The following NRG3 variants were observed in gnomAD, a reference collection of about 807,000 sequenced individuals.
NRG3 encodes the protein pro-neuregulin-3, membrane-bound isoform.
A neutral mutation model predicts 66.9 loss-of-function variants in NRG3; 31 were observed. The observed-to-expected ratio is 0.46, with a 90% confidence interval of 0.35 to 0.63. The LOEUF (loss-of-function observed/expected upper bound fraction) is 0.63, where lower values mean the gene tolerates loss of function less well. Ranked by LOEUF, NRG3 falls within the 20% of genes least tolerant of loss-of-function variation. The probability of loss-of-function intolerance (pLI) is 0.00; values close to 1 mark genes in which losing one functional copy is unlikely to be tolerated. For synonymous variants in NRG3, 393 were observed against 359.4 expected (o/e 1.09, Z -1.06); for missense variants, 910 against 878.9 (o/e 1.04, Z -0.45).
chr10:81,878,622 G>A (rs1408752991), intron 1 of NRG3, among the ~76,000 whole-genome samples: 3 of 152,046 alleles, frequency 2.0e-5, no homozygotes, highest in Admixed American at 6.6e-5. Context: ...GATTATGCCC[G>A]TAAAGTTCCC....
At chr10:82,535,633 A>G (rs968958517) in intron 2 of NRG3, among the ~76,000 whole-genome samples, 2 of 152,144 alleles carry the variant, frequency 1.3e-5, no homozygotes, top group African/African-American at 2.4e-5. Context: ...AGTCACACTA[A>G]TAGGGATGCA....
chr10:82,521,583 G>T (rs911216093), intron 2 of NRG3, among the ~76,000 whole-genome samples: 2 of 151,992 alleles, frequency 1.3e-5, no homozygotes, highest in African/African-American at 4.8e-5. Context: ...CTCGTGATCC[G>T]CCCGCCTTGG....
At chr10:82,060,137 C>T (rs1481058491) in intron 1 of NRG3, among the ~76,000 whole-genome samples, 1 of 152,194 alleles carries the variant, frequency 6.6e-6, no homozygotes, top group Non-Finnish European at 1.5e-5. Flanking sequence ...AATTATTACT[C>T]ATATTGTCTA....
At chr10:82,786,312 G>A (rs1436253965) in intron 3 of NRG3, among the ~76,000 whole-genome samples, 1 of 152,170 alleles carries the variant, frequency 6.6e-6, no homozygotes, top group African/African-American at 2.4e-5. Flanking sequence ...GGGTCCCACT[G>A]CCTTCCCATT....
chr10:82,461,988 A>G (rs992856335), intron 2 of NRG3, among the ~76,000 whole-genome samples: 14 of 152,044 alleles, frequency 9.2e-5, no homozygotes, highest in African/African-American at 2.9e-4. Flanking sequence ...AAAATTAGCC[A>G]GACATGGTGG....
At position 82,340,888 on chromosome 10, in the gene NRG3, G is replaced by T. The variant is rs568971397; in HGVS notation, c.824-17851G>T. The T allele has an allele frequency of 1.8e-4, 28 of 151,802 alleles. No individual in the cohort carries two copies. In the East Asian group the frequency reaches 5.2e-3, roughly 28 times the overall value. The allele number at this position is 151,802 out of a possible 1,614,324, so 9.4% of individuals were successfully genotyped here. ...CGTTCCCTATTTTTATGGTTAATGG[G>T]TACAAAAAAAAATTAGAAAATGTAA... is the stretch of plus-strand genomic sequence containing the variant. On this transcript the variant is annotated intron_variant, in intron 1 of 8. Transcript: ENST00000372141.
chr10:82,737,289 C>T (rs529626947), intron 2 of NRG3, among the ~76,000 whole-genome samples: 34 of 152,210 alleles, frequency 2.2e-4, no homozygotes, highest in African/African-American at 7.9e-4. Context: ...TGAAGAGAGC[C>T]TGCCCGATTA....
At chr10:82,000,442 T>C (rs568837634) in intron 1 of NRG3, among the ~76,000 whole-genome samples, 9 of 152,248 alleles carry the variant, frequency 5.9e-5, no homozygotes, top group African/African-American at 2.2e-4. Context: ...GTAGCGTAGA[T>C]TAATTTTTCT....
intron 2 of NRG3, among the ~76,000 whole-genome samples, chr10:82,736,770 A>G (rs2058173456): frequency 6.6e-6 from 1 of 152,252 alleles, no homozygotes; most frequent in Non-Finnish European, 1.5e-5. Context: ...ACAAAAACAA[A>G]AAGACACTTA....
intron 6 of NRG3, among the ~76,000 whole-genome samples, chr10:82,963,586 G>A (rs1295726928): frequency 1.3e-5 from 2 of 152,118 alleles, no homozygotes; most frequent in East Asian, 1.9e-4. Context: ...AGGCTGAGGC[G>A]GGAGAATTAC....
chr10:81,896,614 C>T lies in NRG3; in HGVS notation c.823+20451C>T, dbSNP rs373735192. On this transcript the variant is annotated intron_variant, in intron 1 of 8. Transcript: ENST00000372141. ...TTTTCCATATAGATATTTAGAAAAG[C>T]AAAGTATATTAGTAGATTTAATCTC... is the stretch of plus-strand genomic sequence containing the variant. Among the ~76,000 whole-genome samples, 8 of 150,522 alleles carry T rather than the reference C, an allele frequency of 5.3e-5. No homozygotes were observed. The East Asian group carries it at 1.6e-3, about 29-fold the overall frequency.
At chr10:82,764,183 C>T (rs1328051793) in intron 3 of NRG3, among the ~76,000 whole-genome samples, 2 of 151,878 alleles carry the variant, frequency 1.3e-5, no homozygotes, top group South Asian at 4.2e-4. Flanking sequence ...TACAGGCATG[C>T]GCCACCACAC....
intron 2 of NRG3, among the ~76,000 whole-genome samples, chr10:82,427,186 A>G (rs986608908): frequency 3.3e-5 from 5 of 152,098 alleles, no homozygotes; most frequent in African/African-American, 1.2e-4. Context: ...TTTCTTTCTT[A>G]ACTGATTGTC....
At chr10:81,984,439 A>T (rs1451464928) in intron 1 of NRG3, among the ~76,000 whole-genome samples, 1 of 152,158 alleles carries the variant, frequency 6.6e-6, no homozygotes, top group Non-Finnish European at 1.5e-5. Context: ...TTGACATTCC[A>T]CTTGAAATCT....
At chr10:82,626,999 A>G (rs1442976579) in intron 2 of NRG3, among the ~76,000 whole-genome samples, 1 of 142,070 alleles carries the variant, frequency 7.0e-6, no homozygotes, top group East Asian at 2.2e-4. Flanking sequence ...TTAGCTATTT[A>G]GCTATTTTTT....
chr10:82,233,058 T>G, intron 1 of NRG3: 1 of 485,526 alleles, frequency 2.1e-6, no homozygotes, highest in South Asian at 3.1e-5. Context: ...TTCAGGCTGG[T>G]CCCTTTCCTA....
At chr10:82,041,412 A>G (rs911828972) in intron 1 of NRG3, among the ~76,000 whole-genome samples, 2 of 152,070 alleles carry the variant, frequency 1.3e-5, no homozygotes, top group Admixed American at 1.3e-4. Context: ...GACCAATATT[A>G]TATTTACTTC....
In NRG3 at chr10:82,293,831, G is replaced by A. The variant is rs977566455; in HGVS notation, c.824-64908G>A. Among the ~76,000 whole-genome samples, 3 of 152,118 alleles carry A rather than the reference G, an allele frequency of 2.0e-5. No individual in the cohort carries two copies. The East Asian group carries it at 5.8e-4, about 29-fold the overall frequency. ...CTCGTAATTGCATAGGACTGTCCTG[G>A]AAGCATATTGAAAAATTAAAACAAA... On this transcript the variant is annotated intron_variant, in intron 1 of 8. Transcript: ENST00000372141.
At chr10:81,958,648 A>T (rs1433511561) in intron 1 of NRG3, among the ~76,000 whole-genome samples, 1 of 152,210 alleles carries the variant, frequency 6.6e-6, no homozygotes, top group Non-Finnish European at 1.5e-5. Context: ...CATGCCTGTA[A>T]TCCCGCCGAG....
Sources: allele counts gnomAD v4.1 joint callset (sites outside exome capture counted in the v4.1 genomes callset), GRCh38; gene constraint gnomAD v4.1.1; transcripts MANE v1.5; gene names NCBI Gene and HGNC (gene_info 2026-07-23, HGNC 2026-07-21).